The following FMN1 variants were observed in gnomAD, a reference collection of about 807,000 sequenced individuals.
The protein encoded by FMN1 is formin 1.
A neutral mutation model predicts 132.4 loss-of-function variants in FMN1; 110 were observed. The observed-to-expected ratio is 0.83, with a 90% CI of 0.71 to 0.97. The LOEUF is 0.97. Among genes scored for constraint, FMN1 ranks in the 50% least tolerant of loss-of-function variants. The pLI, the probability that FMN1 is intolerant of heterozygous loss-of-function variation, is 0.00. For synonymous variants in FMN1, 722 were observed against 651.7 expected (o/e 1.11, Z -1.64); for missense variants, 1,792 against 1,705.3 (o/e 1.05, Z -0.90).
intron 2 of FMN1, among the ~76,000 whole-genome samples, chr15:33,181,614 A>G (rs963481295): frequency 5.9e-5 from 9 of 152,094 alleles, no homozygotes; most frequent in Non-Finnish European, 1.2e-4. Flanking sequence ...ATAGAGTCCA[A>G]ATTTTATTCT....
chr15:33,121,299 ATTACT>A (rs1726103470), intron 4 of FMN1, among the ~76,000 whole-genome samples: 1 of 152,232 alleles, frequency 6.6e-6, no homozygotes, highest in South Asian at 2.1e-4. Flanking sequence ...ACAATGACCA[ATTACT>A]TTGTACCTCT....
At chr15:32,909,652 A>G (rs1301487045) in intron 11 of FMN1, among the ~76,000 whole-genome samples, 1 of 152,178 alleles carries the variant, frequency 6.6e-6, no homozygotes, top group East Asian at 1.9e-4. Context: ...AAATACCATT[A>G]CTTAAGAGAA....
At chr15:32,949,960 T>TATATATATACACATATATATATAC (rs2061594392) in intron 9 of FMN1, among the ~76,000 whole-genome samples, 8 of 48,188 alleles carry the variant, frequency 1.7e-4, no homozygotes, top group African/African-American at 8.4e-4. Context: ...TATATATATA[T>TATATATATACACATATATATATAC]ATATACACAC....
rs61732693 is a variant in FMN1, at chr15:32,969,200, T to C, written c.2501A>G (p.Asn834Ser). The C allele has an allele frequency of 1.7e-4, 278 of 1,613,778 alleles. No individual in the cohort carries two copies. The highest frequency in any genetic ancestry group is 2.1e-4 in the Non-Finnish European group (243 of 1,179,860). Residue 834 changes from asparagine (N) to serine (S), a missense_variant, in exon 8 of 21, where the codon AAT becomes AGT. By Grantham distance (46) the Asn-to-Ser change is conservative (BLOSUM62 1). Transcript: ENST00000616417. The part of the protein sequence containing the change: ...RSNQLVPKKL[N>S]ISSLSQLSPP... ...TGAGAGCTGGCTTAAAGAGGAGATATTCAGCTTTTTGGGTACTAATTGATT... is the reference window on the plus strand; with the variant it reads ...TGAGAGCTGGCTTAAAGAGGAGATACTCAGCTTTTTGGGTACTAATTGATT...
At chr15:33,123,586 A>G (rs976777830) in intron 4 of FMN1, among the ~76,000 whole-genome samples, 1 of 152,174 alleles carries the variant, frequency 6.6e-6, no homozygotes. Context: ...TAAGTCTAAC[A>G]TATGGTATGG....
chr15:33,080,313 G>T (rs1252441286), intron 5 of FMN1, among the ~76,000 whole-genome samples: 1 of 152,230 alleles, frequency 6.6e-6, no homozygotes, highest in African/African-American at 2.4e-5. Context: ...AGGAGTGAAG[G>T]AAGGTGGAAG....
At chr15:33,044,771 G>A (rs1246941767) in intron 6 of FMN1, among the ~76,000 whole-genome samples, 3 of 152,206 alleles carry the variant, frequency 2.0e-5, no homozygotes, top group African/African-American at 4.8e-5. Flanking sequence ...CTGAAAAGAC[G>A]ACAGGATGAC....
intron 6 of FMN1, among the ~76,000 whole-genome samples, chr15:33,043,129 G>A (rs1322691868): frequency 1.3e-5 from 2 of 152,182 alleles, no homozygotes; most frequent in African/African-American, 2.4e-5. Flanking sequence ...CCTGGTTAGC[G>A]CTATGTAGTA....
chr15:32,831,328 C>T (rs540825081), intron 17 of FMN1, among the ~76,000 whole-genome samples: 3 of 152,186 alleles, frequency 2.0e-5, no homozygotes, highest in Admixed American at 2.0e-4. Flanking sequence ...AGTGATTCTC[C>T]TGCTTCAGCC....
At chr15:33,146,657 G>C (rs1428998643) in intron 4 of FMN1, among the ~76,000 whole-genome samples, 1 of 152,094 alleles carries the variant, frequency 6.6e-6, no homozygotes, top group Non-Finnish European at 1.5e-5. Context: ...CAAGGGGATG[G>C]TATGACCTAA....
intron 10 of FMN1, among the ~76,000 whole-genome samples, chr15:32,923,704 T>C (rs1197666923): frequency 1.3e-5 from 2 of 152,208 alleles, no homozygotes; most frequent in Non-Finnish European, 2.9e-5. Context: ...AAACTCACAG[T>C]AAACATTCAA....
At chr15:33,144,047 G>C (rs553893411) in intron 4 of FMN1, among the ~76,000 whole-genome samples, 2 of 152,302 alleles carry the variant, frequency 1.3e-5, no homozygotes, top group South Asian at 4.1e-4. Flanking sequence ...ACTTTGAAGA[G>C]AGAAAATGTG....
chr15:32,822,500 T>C (rs1567223649), intron 17 of FMN1, among the ~76,000 whole-genome samples: 1 of 152,086 alleles, frequency 6.6e-6, no homozygotes, highest in Non-Finnish European at 1.5e-5. Context: ...CTCAGAACTT[T>C]ACACTTATTA....
intron 5 of FMN1, chr15:33,067,247 A>G (rs1169244844): frequency 6.2e-7 from 1 of 1,613,482 alleles, no homozygotes; most frequent in Admixed American, 1.7e-5. Flanking sequence ...TTTGCTGCTC[A>G]TCTCAGGTGG....
intron 10 of FMN1, among the ~76,000 whole-genome samples, chr15:32,915,738 G>T (rs890844002): frequency 2.6e-5 from 4 of 152,210 alleles, no homozygotes; most frequent in Non-Finnish European, 5.9e-5. Flanking sequence ...AGTCCACAAA[G>T]GGGAGACCCC....
chr15:33,097,838 G>C (rs532304722), intron 4 of FMN1, among the ~76,000 whole-genome samples: 1 of 152,100 alleles, frequency 6.6e-6, no homozygotes, highest in South Asian at 2.1e-4. Flanking sequence ...TCCTTTCTTA[G>C]TAATTACAAC....
At chr15:32,902,106 A>G in intron 12 of FMN1, 66 bp from the exon 13 acceptor site, 3 of 1,407,942 alleles carry the variant, frequency 2.1e-6, no homozygotes, top group Non-Finnish European at 2.9e-6. Flanking sequence ...AAGACAGCTG[A>G]AAAAGACCCA....
intron 5 of FMN1, among the ~76,000 whole-genome samples, chr15:33,078,704 CACAA>C (rs1168147714): frequency 1.3e-5 from 2 of 151,420 alleles, no homozygotes; most frequent in African/African-American, 4.9e-5. Context: ...TAGGAGTGTT[CACAA>C]ACAGTCAGTA....
At chr15:33,130,318 A>G (rs1963485093) in intron 4 of FMN1, among the ~76,000 whole-genome samples, 1 of 152,256 alleles carries the variant, frequency 6.6e-6, no homozygotes, top group South Asian at 2.1e-4. Flanking sequence ...ACATGTATAT[A>G]CATAAATATA....
Sources: gnomAD v4.1 joint callset for allele counts (sites outside exome capture counted in the v4.1 genomes callset) on GRCh38, gnomAD v4.1.1 for gene constraint, MANE v1.5 for transcripts, NCBI Gene and HGNC (gene_info 2026-07-23, HGNC 2026-07-21) for gene names.